The following CCDC86 variants were observed in gnomAD, a reference collection of about 807,000 sequenced individuals.
CCDC86 encodes the protein coiled-coil domain containing 86.
CCDC86 carries 28 observed loss-of-function variants against 36.7 expected under a neutral mutation model. The observed-to-expected ratio is 0.76, with a 90% CI of 0.57 to 1.05. The LOEUF is 1.05. Among genes scored for constraint, CCDC86 ranks in the 50% least tolerant of loss-of-function variants. The pLI is 0.00. For missense variants in CCDC86, 453 were observed against 470.2 expected, an observed-to-expected ratio of 0.96 and a Z score of 0.34; for synonymous variants, 199 against 203.4, an observed-to-expected ratio of 0.98 and a Z score of 0.18.
At chr11:60,847,829 G>A in intron 1 of CCDC86, 95 bp from the exon 2 acceptor site, 1 of 1,435,076 alleles carries the variant, frequency 7.0e-7, no homozygotes, top group Non-Finnish European at 9.3e-7. Flanking sequence ...CCTGGGCTCT[G>A]GGGAAGAAGG....
chr11:60,845,194 A>G (rs1855168377), intron 1 of CCDC86, among the ~76,000 whole-genome samples: 1 of 152,170 alleles, frequency 6.6e-6, no homozygotes, highest in Non-Finnish European at 1.5e-5. Flanking sequence ...GGCTTTCCAG[A>G]GGTCTCGCTG....
At position 60,848,001 on chromosome 11, in the gene CCDC86, T is replaced by C; in HGVS notation, c.836T>C (p.Leu279Pro). Residue 279 changes from leucine (L) to proline (P), a missense_variant, in exon 2 of 4, where the codon CTG becomes CCG. Coordinates refer to ENST00000227520, the MANE Select transcript of CCDC86 (RefSeq NM_024098.4). ...RKMKERQERK[L>P]AKDFARHLEE... ...ATGAAGGAACGACAGGAGAGGAAGC[T>C]GGCCAAGGACTTTGCCCGTCACCTG... 1 of 1,613,664 alleles carries C rather than the reference T, an allele frequency of 6.2e-7. No individual in the cohort carries two copies. Among genetic ancestry groups the C allele is most frequent in the Non-Finnish European group, 8.5e-7 (1 of 1,179,710 alleles).
rs1212833898 is a variant in CCDC86, at chr11:60,849,930, CAT to C, written c.889-9_889-8del. On this transcript the variant is annotated splice_region_variant and splice_polypyrimidine_tract_variant and intron_variant, in intron 2 of 3. Transcript: ENST00000227520. ...CCCCGACTCAAATCCCCTTCTCCCA[CAT>C]GTTCCAGGAGAAGAAACAGCGCCGG... 1 of 1,612,696 alleles carries C rather than the reference CAT, an allele frequency of 6.2e-7. No individual in the cohort carries two copies. Among genetic ancestry groups the C allele is most frequent in the Non-Finnish European group, 8.5e-7 (1 of 1,179,048 alleles).
In CCDC86 at chr11:60,842,374, C is replaced by T; in HGVS notation, c.250C>T (p.Gln84Ter). 1.9e-6 allele frequency: 3 copies of T among 1,613,938 alleles called. No homozygotes were observed. Among genetic ancestry groups the T allele is most frequent in the Non-Finnish European group, 2.5e-6 (3 of 1,180,006 alleles). ...QGAGLESPQG[Q>*]PEPGAASPQR... ...TGCAGGCTTGGAGTCACCCCAAGGG[C>T]AGCCAGAGCCAGGCGCAGCGTCCCC... Residue 84 changes from glutamine (Q) to a stop codon, truncating the protein, a stop_gained, in exon 1 of 4, where the codon CAG becomes TAG. Transcript: ENST00000227520. LOFTEE classifies it high-confidence loss of function.
At chr11:60,848,983 C>T (rs1266192645) in intron 2 of CCDC86, among the ~76,000 whole-genome samples, 2 of 152,208 alleles carry the variant, frequency 1.3e-5, no homozygotes, top group African/African-American at 2.4e-5. Flanking sequence ...CACTTCTCAC[C>T]GTCCACTGCG....
At chr11:60,849,844 T>C in intron 2 of CCDC86, 96 bp from the exon 3 acceptor site, 1 of 1,042,838 alleles carries the variant, frequency 9.6e-7, no homozygotes, top group Non-Finnish European at 1.5e-6. Flanking sequence ...TTCCCCTTCC[T>C]CCTGGGAATT....
intron 1 of CCDC86, 157 bp from the exon 2 acceptor site, chr11:60,847,767 G>T: frequency 9.9e-7 from 1 of 1,005,220 alleles, no homozygotes; most frequent in South Asian, 1.6e-5. Context: ...CCCGCCCCAA[G>T]TTTCTGCAGC....
rs1265544374 is a variant in CCDC86, at chr11:60,842,408, A to G, written c.284A>G (p.Gln95Arg). ...CCAGGCGCAGCGTCCCCCCAGCGTC[A>G]GCAAGACCTACACCTGGAGTCGCCT... Reference protein sequence around the residue: ...PEPGAASPQRQQDLHLESPQR... With the variant: ...PEPGAASPQRRQDLHLESPQR... The change falls in exon 1 of 4, where the codon CAG becomes CGG. Residue 95 changes from glutamine to arginine, a missense_variant. Gln to Arg is a conservative substitution (Grantham distance 43). Coordinates refer to ENST00000227520, the MANE Select transcript of CCDC86 (RefSeq NM_024098.4). 6.2e-7 allele frequency: 1 copy of G among 1,613,896 alleles called. No homozygotes were observed. The highest frequency in any genetic ancestry group is 8.5e-7 in the Non-Finnish European group (1 of 1,179,986).
In CCDC86 at chr11:60,850,264, A is replaced by G. The variant is rs1186776657; in HGVS notation, c.1022A>G (p.Lys341Arg). The G allele has an allele frequency of 1.2e-6, 2 of 1,614,220 alleles. No individual in the cohort carries two copies. Among genetic ancestry groups the G allele is most frequent in the South Asian group, 1.1e-5 (1 of 91,082 alleles). ...AAGAAGCAGCTGCGCTCCATTGAGA[A>G]GCGGGACACCCTGGCCCTGCTGCAG... Reference protein sequence around the residue: ...AKKKQLRSIEKRDTLALLQKQ... With the variant: ...AKKKQLRSIERRDTLALLQKQ... The change falls in exon 4 of 4, where the codon AAG (lysine) becomes AGG (arginine). Residue 341 changes from lysine to arginine, a missense_variant. Lys to Arg is a conservative substitution (Grantham distance 26, BLOSUM62 2). Transcript: ENST00000227520.
At chr11:60,847,527 C>T in intron 1 of CCDC86, 1 of 157,042 alleles carries the variant, frequency 6.4e-6, no homozygotes. Context: ...ACACCCGGGC[C>T]AAATGCACTT....
rs1201946750 is a variant in CCDC86, at chr11:60,850,841, A to T, written c.*516A>T. 6.5e-6 allele frequency: 1 copy of T among 153,846 alleles called. No individual in the cohort carries two copies. Among genetic ancestry groups the T allele is most frequent in the African/African-American group, 2.4e-5 (1 of 41,460 alleles). The allele number at this position is 153,846 out of a possible 1,614,324, so 9.5% of individuals were successfully genotyped here. On this transcript the variant is annotated 3_prime_UTR_variant, in exon 4 of 4. Coordinates refer to ENST00000227520, the MANE Select transcript of CCDC86 (RefSeq NM_024098.4). ...CACTTTTCAATACTGAAAGATTAAA[A>T]TGGGGAGGTTGCAGGGAGCAGAGCT...
rs775638540 is a variant in CCDC86, at chr11:60,842,153, G to C, written c.29G>C (p.Arg10Pro). 14 of 1,599,990 alleles carry C rather than the reference G, an allele frequency of 8.8e-6. No homozygotes were observed. The highest frequency in any genetic ancestry group is 1.2e-5 in the Non-Finnish European group (14 of 1,173,992). ...GATACACCGTTAAGGCGCAGCCGAC[G>C]GCTGGGAGGCCTAAGGCCCGAATCC... Reference protein sequence around the residue: MDTPLRRSRRLGGLRPESPE... With the variant: MDTPLRRSRPLGGLRPESPE... The change falls in exon 1 of 4, where the codon CGG becomes CCG. Residue 10 changes from arginine (R) to proline (P), a missense_variant. Arg to Pro is a moderately radical substitution (Grantham distance 103). Transcript: ENST00000227520.
At chr11:60,848,756 G>T (rs1375164346) in intron 2 of CCDC86, among the ~76,000 whole-genome samples, 2 of 152,076 alleles carry the variant, frequency 1.3e-5, no homozygotes, top group African/African-American at 4.8e-5. Flanking sequence ...AGTGCCGAAC[G>T]GGATTCAGAC....
chr11:60,848,280 CT>C (rs1855213080), intron 2 of CCDC86, among the ~76,000 whole-genome samples: 1 of 152,068 alleles, frequency 6.6e-6, no homozygotes, highest in African/African-American at 2.4e-5. Flanking sequence ...TTAGCCTGGG[CT>C]GCTGAAAGAG....
Position 60,850,266 on chromosome 11 carries a change from C to T in CCDC86, c.1024C>T (p.Arg342Trp), listed in dbSNP as rs542028164. The change falls in exon 4 of 4, where the codon CGG becomes TGG. Residue 342 changes from arginine to tryptophan, a missense_variant. By Grantham distance (101) the Arg-to-Trp change is moderately radical. Transcript: ENST00000227520. Reference protein sequence around the residue: ...KKKQLRSIEKRDTLALLQKQP... With the variant: ...KKKQLRSIEKWDTLALLQKQP... ...GAAGCAGCTGCGCTCCATTGAGAAG[C>T]GGGACACCCTGGCCCTGCTGCAGAA... 2.6e-5 allele frequency: 42 copies of T among 1,614,084 alleles called. 1 individual carries two copies. The East Asian group carries it at 6.7e-4, about 26-fold the overall frequency.
Position 60,842,684 on chromosome 11 carries a change from G to A in CCDC86, c.560G>A (p.Gly187Asp). Residue 187 changes from glycine to aspartate, a missense_variant, in exon 1 of 4, where the codon GGC (glycine) becomes GAC (aspartate). Physicochemically the swap from Gly to Asp is moderately conservative, Grantham distance 94. Transcript: ENST00000227520. ...PLLELTPRAPGSPRGQHEPSK... is the reference protein window; with the variant it reads ...PLLELTPRAPDSPRGQHEPSK... The stretch of plus-strand genomic sequence containing the variant: ...CTGGAGCTGACACCCAGGGCACCTG[G>A]CTCCCCCCGGGGTCAGCATGAGCCG... 6.2e-7 allele frequency: 1 copy of A among 1,613,880 alleles called. No individual in the cohort carries two copies. The highest frequency in any genetic ancestry group is 8.5e-7 in the Non-Finnish European group (1 of 1,179,972).
chr11:60,848,158 T>G (rs1305822596), intron 2 of CCDC86, 105 bp downstream of exon 2: 2 of 1,402,390 alleles, frequency 1.4e-6, no homozygotes, highest in Non-Finnish European at 1.9e-6. Flanking sequence ...GGAGGCCGAC[T>G]TGGTTAAAAA....
In CCDC86 at chr11:60,842,736, G is replaced by A; in HGVS notation, c.612G>A (p.Thr204=). The change falls in exon 1 of 4, where the codon ACG becomes ACA. Residue 204 remains threonine (T), a synonymous_variant. Coordinates refer to ENST00000227520, the MANE Select transcript of CCDC86 (RefSeq NM_024098.4). ...GCAAGCCACCTCCAGCTGGGGAGAC[G>A]GTGACAGGCGGCTTCGGGGCAAAGA... is the stretch of plus-strand genomic sequence containing the variant. The part of the protein sequence containing the change: ...EPSKPPPAGE[T]VTGGFGAKKR... 1 of 1,613,600 alleles carries A rather than the reference G, an allele frequency of 6.2e-7. No homozygotes were observed. Among genetic ancestry groups the A allele is most frequent in the East Asian group, 2.2e-5 (1 of 44,872 alleles).
rs1182239552 is a variant in CCDC86 at position 60,850,934 on chromosome 11, C to T, written c.*609C>T. On this transcript the variant is annotated 3_prime_UTR_variant, in exon 4 of 4. Coordinates refer to ENST00000227520, the MANE Select transcript of CCDC86 (RefSeq NM_024098.4). The stretch of plus-strand genomic sequence containing the variant: ...CCCAGAGAATCTAACTCATGCCTGT[C>T]CAGTCTACAGCAAAAATATTTATTG... The T allele has an allele frequency of 1.3e-5, 2 of 152,408 alleles. No homozygotes were observed. The highest frequency in any genetic ancestry group is 3.8e-4 in the East Asian group (2 of 5,202). The allele number at this position is 152,408 out of a possible 1,614,324, so 9.4% of individuals were successfully genotyped here.
Sources: allele counts gnomAD v4.1 joint callset (sites outside exome capture counted in the v4.1 genomes callset), GRCh38; gene constraint gnomAD v4.1.1; transcripts MANE v1.5; gene names NCBI Gene and HGNC (gene_info 2026-07-23, HGNC 2026-07-21).